The following LYAR variants were observed in gnomAD, a reference collection of about 807,000 sequenced individuals.
LYAR encodes the protein Ly1 antibody reactive, also known as cell growth-regulating nucleolar protein.
LYAR carries 37 observed loss-of-function variants against 45.2 expected under a neutral mutation model. The observed-to-expected ratio is 0.82, with a 90% confidence interval of 0.63 to 1.08. The LOEUF (loss-of-function observed/expected upper bound fraction) is 1.08. Among genes scored for constraint, LYAR ranks in the 50% least tolerant of loss-of-function variants. The pLI is 0.00. For missense variants in LYAR, 493 were observed against 451.0 expected (o/e 1.09, Z -0.84); for synonymous variants, 176 against 155.1 (o/e 1.14, Z -1.00).
At chr4:4,280,070 C>T (rs1719337478) in intron 4 of LYAR, among the ~76,000 whole-genome samples, 1 of 152,144 alleles carries the variant, frequency 6.6e-6, no homozygotes, top group African/African-American at 2.4e-5. Context: ...TTAGAATAAA[C>T]AAATCCAGCA....
intron 8 of LYAR, among the ~76,000 whole-genome samples, chr4:4,269,896 C>G (rs2916450): frequency 0.77 from 116,890 of 152,112 alleles, 45,845 homozygotes; most frequent in African/African-American, 0.93. Flanking sequence ...TGATTGTAGT[C>G]ACTATTTCAC....
At chr4:4,277,984 G>A (rs1719254636) in intron 6 of LYAR, among the ~76,000 whole-genome samples, 1 of 152,090 alleles carries the variant, frequency 6.6e-6, no homozygotes, top group Non-Finnish European at 1.5e-5. Context: ...GTTTACCAGG[G>A]GCTGTTTACT....
intron 8 of LYAR, among the ~76,000 whole-genome samples, chr4:4,269,981 G>A (rs1289746376): frequency 1.3e-5 from 2 of 152,180 alleles, no homozygotes; most frequent in African/African-American, 4.8e-5. Context: ...CACTTTGGGA[G>A]GCTGAGGCAG....
chr4:4,282,650 G>C (rs915870446), intron 3 of LYAR, among the ~76,000 whole-genome samples: 2 of 152,214 alleles, frequency 1.3e-5, no homozygotes, highest in Admixed American at 6.5e-5. Flanking sequence ...GACCTTCTGA[G>C]GCTGAAGGGG....
intron 6 of LYAR, among the ~76,000 whole-genome samples, chr4:4,277,368 G>A (rs1388726564): frequency 2.6e-5 from 4 of 152,108 alleles, no homozygotes; most frequent in Non-Finnish European, 5.9e-5. Context: ...TTTAACCACT[G>A]AGAGCCTGAG....
rs1453698503 is a variant in LYAR at position 4,275,658 on chromosome 4, GGT to G, written c.430-891_430-890del. ...GGGGTCACCATTCTTTACGTATGGA[GGT>G]GTCTCTCTAATGGTTACCCCTGTTA... On this transcript the variant is annotated intron_variant, in intron 6 of 9. Coordinates refer to ENST00000343470, the MANE Select transcript of LYAR (RefSeq NM_017816.3). Among the ~76,000 whole-genome samples the G allele has an allele frequency of 3.3e-5, 5 of 151,778 alleles. No individual in the cohort carries two copies. The East Asian group carries it at 7.8e-4, about 24-fold the overall frequency.
intron 1 of LYAR, among the ~76,000 whole-genome samples, chr4:4,288,930 G>A (rs567178552): frequency 2.6e-5 from 4 of 152,318 alleles, no homozygotes; most frequent in South Asian, 2.1e-4. Context: ...CCCTGAGCAT[G>A]CCACTGCCTC....
chr4:4,279,682 C>T lies in LYAR; in HGVS notation c.305G>A (p.Ser102Asn), dbSNP rs1347921179. The T allele has an allele frequency of 1.9e-6, 3 of 1,613,944 alleles. No homozygotes were observed. The African/African-American group carries it at 4.0e-5, about 22-fold the overall frequency. Residue 102 changes from serine (S) to asparagine (N), a missense_variant, in exon 5 of 10, where the codon AGT becomes AAT. By Grantham distance (46) the Ser-to-Asn change is conservative. Coordinates refer to ENST00000343470, the MANE Select transcript of LYAR (RefSeq NM_017816.3). The part of the protein sequence containing the change: ...PKVRELLEQI[S>N]AFDNVPRKKA... Reference sequence around the variant, plus strand: ...TTTCCTGGGAACGTTGTCAAAAGCACTAATTTGCTCTAAAAGTTCTCTCAC... The same window carrying T: ...TTTCCTGGGAACGTTGTCAAAAGCATTAATTTGCTCTAAAAGTTCTCTCAC...
rs764938701 is a variant in LYAR, at chr4:4,279,498, A to C, written c.378T>G (p.Asn126Lys). 5.0e-6 allele frequency: 8 copies of C among 1,613,018 alleles called. No homozygotes were observed. The highest frequency in any genetic ancestry group is 6.8e-6 in the Non-Finnish European group (8 of 1,178,984). ...TCCACACCTGGTCCAGAATGGATTC[A>C]TTATGAACTTTTAAACTGTTCTTCA... ...NWMKNSLKVH[N>K]ESILDQVWNI... The change falls in exon 6 of 10, where the codon AAT becomes AAG. Residue 126 changes from asparagine (N) to lysine (K), a missense_variant. Physicochemically the swap from Asn to Lys is moderately conservative, Grantham distance 94. Transcript: ENST00000343470.
At chr4:4,275,458 G>A (rs1035305191) in intron 6 of LYAR, among the ~76,000 whole-genome samples, 2 of 150,626 alleles carry the variant, frequency 1.3e-5, no homozygotes, top group African/African-American at 4.9e-5. Context: ...TTTTTAATGG[G>A]GACAGGGGTC....
chr4:4,270,070 G>A (rs918582989), intron 8 of LYAR, among the ~76,000 whole-genome samples: 3 of 151,862 alleles, frequency 2.0e-5, no homozygotes, highest in Admixed American at 6.6e-5. Flanking sequence ...TTAAAACTTC[G>A]CTGGGTGTGG....
rs893469961 is a variant in LYAR at position 4,267,817 on chromosome 4, T to C, written c.*72A>G. 1.2e-5 allele frequency: 15 copies of C among 1,277,424 alleles called. No homozygotes were observed. In the Admixed American group the frequency reaches 3.6e-4, roughly 30 times the overall value. The allele number at this position is 1,277,424 out of a possible 1,614,324, so 79.1% of individuals were successfully genotyped here. A position where few individuals can be genotyped will look rare whatever the true frequency, so the allele number is the denominator to read the frequency against. ...GCAAAATTTGAGTTGTTAGAATTCA[T>C]TACACATTTTATAAACAGCAGTGAA... On this transcript the variant is annotated 3_prime_UTR_variant, in exon 10 of 10. Coordinates refer to ENST00000343470, the MANE Select transcript of LYAR (RefSeq NM_017816.3).
At chr4:4,272,577 G>C (rs1267182115) in intron 8 of LYAR, among the ~76,000 whole-genome samples, 2 of 152,164 alleles carry the variant, frequency 1.3e-5, no homozygotes, top group East Asian at 3.8e-4. Flanking sequence ...GTCTCTCTGT[G>C]TCTCTCTAAA....
At chr4:4,285,145 G>A (rs1719555514) in intron 2 of LYAR, among the ~76,000 whole-genome samples, 1 of 151,928 alleles carries the variant, frequency 6.6e-6, no homozygotes, top group African/African-American at 2.4e-5. Context: ...CATCAGCTCA[G>A]CTTCTACGCT....
intron 1 of LYAR, among the ~76,000 whole-genome samples, chr4:4,287,982 C>G (rs1230621221): frequency 1.3e-5 from 2 of 152,204 alleles, no homozygotes; most frequent in African/African-American, 4.8e-5. Context: ...TTAGTCTTCT[C>G]TTAACAAGAT....
intron 1 of LYAR, among the ~76,000 whole-genome samples, 200 bp from the exon 2 acceptor site, chr4:4,286,772 G>A (rs971564931): frequency 2.6e-5 from 4 of 151,024 alleles, no homozygotes; most frequent in African/African-American, 4.9e-5. Context: ...TCAGCCTCCC[G>A]AGTAGCTGGG....
chr4:4,278,634 A>C (rs1483332495), intron 6 of LYAR, among the ~76,000 whole-genome samples: 2 of 152,124 alleles, frequency 1.3e-5, no homozygotes, highest in African/African-American at 4.8e-5. Context: ...ATTTTCCCTC[A>C]TGCACCACCA....
At chr4:4,284,963 C>T (rs1719549337) in intron 2 of LYAR, among the ~76,000 whole-genome samples, 1 of 152,148 alleles carries the variant, frequency 6.6e-6, no homozygotes, top group South Asian at 2.1e-4. Flanking sequence ...CGTTGCTCCT[C>T]CACCAGCATG....
rs376968930 is a variant in LYAR, at chr4:4,270,573, A to C, written c.920-1958T>G. Reference sequence around the variant, plus strand: ...ACCCACAAAAACAACAACCAAAAAAACCCCAAACAACTCAAATTAGAAAAT... The same window carrying C: ...ACCCACAAAAACAACAACCAAAAAACCCCCAAACAACTCAAATTAGAAAAT... On this transcript the variant is annotated intron_variant, in intron 8 of 9. Coordinates refer to ENST00000343470, the MANE Select transcript of LYAR (RefSeq NM_017816.3). 2.8e-4 allele frequency among the ~76,000 whole-genome samples: 43 copies of C among 151,396 alleles called. 1 individual carries two copies. The highest frequency in any genetic ancestry group is 9.6e-4 in the African/African-American group (40 of 41,456).
Sources: gnomAD v4.1 joint callset for allele counts (sites outside exome capture counted in the v4.1 genomes callset) on GRCh38, gnomAD v4.1.1 for gene constraint, MANE v1.5 for transcripts, NCBI Gene and HGNC (gene_info 2026-07-23, HGNC 2026-07-21) for gene names.